Variants in ARID4B observed in about 807,000 individuals in gnomAD.
The protein encoded by ARID4B is AT-rich interaction domain 4B.
Under a neutral mutation model 147.5 loss-of-function variants are expected in ARID4B, and 26 were observed. The ratio of observed to expected loss-of-function variants is 0.18; its 90% CI spans 0.13 to 0.24. The LOEUF (loss-of-function observed/expected upper bound fraction) is 0.24. Ranked by LOEUF, ARID4B falls within the 10% of genes least tolerant of loss-of-function variation. The probability of loss-of-function intolerance (pLI) is 1.00; values close to 1 mark genes in which losing one functional copy is unlikely to be tolerated. For missense variants in ARID4B, 1,179 were observed against 1,511.5 expected (o/e 0.78, Z 3.65); for synonymous variants, 512 against 507.9 (o/e 1.01, Z -0.11).
At chr1:235,220,607 T>TA in intron 14 of ARID4B, 62 bp from the exon 15 acceptor site, 3 of 1,273,460 alleles carry the variant, frequency 2.4e-6, no homozygotes, top group Non-Finnish European at 3.2e-6. Context: ...TATAGAGTTA[T>TA]TTTTAATGTG....
At chr1:235,307,404 C>A (rs187389749) in intron 2 of ARID4B, among the ~76,000 whole-genome samples, 1 of 152,052 alleles carries the variant, frequency 6.6e-6, no homozygotes, top group Non-Finnish European at 1.5e-5. Flanking sequence ...ATGATCACAC[C>A]GCTAAATTCC....
intron 2 of ARID4B, among the ~76,000 whole-genome samples, chr1:235,323,770 G>A (rs1675018807): frequency 6.7e-6 from 1 of 150,304 alleles, no homozygotes. Context: ...GGCAACAAGA[G>A]CAAAAGTCCG....
intron 20 of ARID4B, chr1:235,180,520 A>G (rs1664246147): frequency 6.6e-6 from 1 of 152,182 alleles, no homozygotes; most frequent in Non-Finnish European, 1.5e-5. Flanking sequence ...TCATGCCTGG[A>G]TAGTTCAGTT....
chr1:235,248,005 A>C (rs1669409427), intron 6 of ARID4B, among the ~76,000 whole-genome samples: 1 of 152,080 alleles, frequency 6.6e-6, no homozygotes, highest in Non-Finnish European at 1.5e-5. Context: ...TAAAAATAAA[A>C]ATTATTTGGA....
chr1:235,280,536 C>T (rs1309219404), intron 2 of ARID4B, among the ~76,000 whole-genome samples: 49 of 152,354 alleles, frequency 3.2e-4, no homozygotes, highest in Admixed American at 3.2e-3. Flanking sequence ...CCTGCCTCTC[C>T]GCTCCTCGCC....
At chr1:235,173,898 G>A (rs1473919388) in intron 22 of ARID4B, among the ~76,000 whole-genome samples, 1 of 142,000 alleles carries the variant, frequency 7.0e-6, no homozygotes, top group Non-Finnish European at 1.5e-5. Flanking sequence ...ATAGAGAGAA[G>A]GATAGTGAAC....
intron 23 of ARID4B, among the ~76,000 whole-genome samples, chr1:235,172,342 CAA>C (rs1663423567): frequency 6.6e-6 from 1 of 152,078 alleles, no homozygotes; most frequent in African/African-American, 2.4e-5. Context: ...TTTGGGAGGC[CAA>C]GACAGGTAGA....
chr1:235,286,212 T>C (rs1444670603), intron 2 of ARID4B, among the ~76,000 whole-genome samples: 1 of 152,160 alleles, frequency 6.6e-6, no homozygotes, highest in East Asian at 1.9e-4. Context: ...TTTTTGATAA[T>C]TTGTAGAGAC....
chr1:235,317,756 T>G (rs1462519916), intron 2 of ARID4B, among the ~76,000 whole-genome samples: 2 of 152,176 alleles, frequency 1.3e-5, no homozygotes. Flanking sequence ...AGCCAGGAAT[T>G]TCTACCTGTT....
chr1:235,326,977 G>A lies in ARID4B; in HGVS notation c.-49-9C>T, dbSNP rs955358024. The A allele has an allele frequency of 1.1e-5, 18 of 1,583,970 alleles. No homozygotes were observed. Among genetic ancestry groups the A allele is most frequent in the Non-Finnish European group, 1.5e-5 (17 of 1,153,148 alleles). ...ACCAGGTTCAGCTGCACCTGGAGGG[G>A]AAACAAAAGACACCCAGTCAACACC... On this transcript the variant is annotated splice_polypyrimidine_tract_variant and intron_variant, in intron 1 of 23. Transcript: ENST00000264183.
At chr1:235,210,238 T>C (rs972176636) in intron 17 of ARID4B, among the ~76,000 whole-genome samples, 3 of 151,982 alleles carry the variant, frequency 2.0e-5, no homozygotes, top group Non-Finnish European at 2.9e-5. Flanking sequence ...CTCTCTTTTT[T>C]TTTAATCTGA....
intron 2 of ARID4B, among the ~76,000 whole-genome samples, chr1:235,288,223 T>G (rs1195980511): frequency 6.6e-6 from 1 of 151,994 alleles, no homozygotes; most frequent in Non-Finnish European, 1.5e-5. Context: ...GAGGCAGAAC[T>G]GCTTGAACTC....
At chr1:235,255,267 A>ATAGATAGATCTATCTATCTATCTATC (rs1669901369) in intron 5 of ARID4B, among the ~76,000 whole-genome samples, 1 of 137,154 alleles carries the variant, frequency 7.3e-6, no homozygotes, top group Non-Finnish European at 1.6e-5. Flanking sequence ...AGATAGATAT[A>ATAGATAGATCTATCTATCTATCTATC]TATCTCTCTC....
chr1:235,194,751 G>A (rs1665376776), intron 18 of ARID4B, among the ~76,000 whole-genome samples: 2 of 152,090 alleles, frequency 1.3e-5, no homozygotes, highest in African/African-American at 4.8e-5. Context: ...CCTGGGAGAT[G>A]GAGGTTGCGG....
At chr1:235,254,713 C>G (rs1404761221) in intron 5 of ARID4B, among the ~76,000 whole-genome samples, 1 of 151,490 alleles carries the variant, frequency 6.6e-6, no homozygotes, top group Non-Finnish European at 1.5e-5. Context: ...TATACCAAAA[C>G]TAATAAGAAA....
At chr1:235,320,253 C>T (rs1021182730) in intron 2 of ARID4B, among the ~76,000 whole-genome samples, 1 of 152,088 alleles carries the variant, frequency 6.6e-6, no homozygotes, top group African/African-American at 2.4e-5. Flanking sequence ...TGCAGTGAGC[C>T]GAGATCACAT....
intron 19 of ARID4B, chr1:235,186,995 C>T: frequency 3.1e-6 from 1 of 327,404 alleles, no homozygotes; most frequent in Non-Finnish European, 5.8e-6. Context: ...TGTGCCTGGC[C>T]TTTAGATTTT....
intron 7 of ARID4B, 136 bp downstream of exon 7, chr1:235,246,284 T>TGAAATTACTATTAGATCC: frequency 1.4e-6 from 1 of 692,442 alleles, no homozygotes; most frequent in Non-Finnish European, 2.4e-6. Context: ...CTGAGGAGTC[T>TGAAATTACTATTAGATCC]GAAATTACTA....
Position 235,214,029 on chromosome 1 carries a change from T to C in ARID4B, c.1584-3A>G. The stretch of plus-strand genomic sequence containing the variant: ...CTTCTTCTTTATTCGTTTCATCTCT[T>C]GAAAGGTTTAAAAAATTGCAGAGTT... On this transcript the variant is annotated splice_region_variant and splice_polypyrimidine_tract_variant and intron_variant, in intron 16 of 23. Transcript: ENST00000264183. 6.3e-7 allele frequency: 1 copy of C among 1,598,672 alleles called. No homozygotes were observed. The highest frequency in any genetic ancestry group is 8.5e-7 in the Non-Finnish European group (1 of 1,170,928).
Sources: gnomAD v4.1 joint callset for allele counts (sites outside exome capture counted in the v4.1 genomes callset) on GRCh38, gnomAD v4.1.1 for gene constraint, MANE v1.5 for transcripts, NCBI Gene and HGNC (gene_info 2026-07-23, HGNC 2026-07-21) for gene names.